Variants in COL25A1 observed in about 807,000 individuals in gnomAD.
COL25A1 encodes collagen type XXV alpha 1 chain.
Under a neutral mutation model 128.4 loss-of-function variants are expected in COL25A1, and 103 were observed. The ratio of observed to expected loss-of-function variants is 0.80; its 90% confidence interval spans 0.68 to 0.94. The LOEUF (loss-of-function observed/expected upper bound fraction) is 0.94. Among genes scored for constraint, COL25A1 ranks in the 40% least tolerant of loss-of-function variants. The pLI is 0.00. For missense variants in COL25A1, 745 were observed against 840.0 expected (o/e 0.89, Z 1.40); for synonymous variants, 279 against 277.2 (o/e 1.01, Z -0.06).
At chr4:108,828,885 T>A (rs1732720654) in intron 32 of COL25A1, among the ~76,000 whole-genome samples, 1 of 152,212 alleles carries the variant, frequency 6.6e-6, no homozygotes, top group Non-Finnish European at 1.5e-5. Context: ...TTTCTCCAGA[T>A]TCCCGTGTGA....
At chr4:109,104,792 T>C (rs946574597) in intron 3 of COL25A1, among the ~76,000 whole-genome samples, 1 of 152,322 alleles carries the variant, frequency 6.6e-6, no homozygotes, top group Middle Eastern at 3.4e-3. Flanking sequence ...TGTAAGACGA[T>C]GTTTGAATTC....
chr4:109,090,746 T>A (rs892850091), intron 3 of COL25A1, among the ~76,000 whole-genome samples: 1 of 152,192 alleles, frequency 6.6e-6, no homozygotes. Context: ...ATTTTCTGAA[T>A]TAACATCATT....
At chr4:108,901,216 TCAATA>T (rs554013092) in intron 13 of COL25A1, 44 bp from the exon 14 acceptor site, 1 of 1,312,856 alleles carries the variant, frequency 7.6e-7, no homozygotes, top group South Asian at 1.2e-5. Context: ...ATAGACAAAA[TCAATA>T]CATTACATGG....
intron 3 of COL25A1, among the ~76,000 whole-genome samples, chr4:109,060,648 C>T (rs1761878762): frequency 1.3e-5 from 2 of 149,978 alleles, no homozygotes; most frequent in African/African-American, 4.9e-5. Flanking sequence ...TGGTACCTTC[C>T]ACACGTTGGG....
intron 3 of COL25A1, among the ~76,000 whole-genome samples, chr4:109,229,002 C>T (rs1366945048): frequency 6.6e-6 from 1 of 152,156 alleles, no homozygotes; most frequent in African/African-American, 2.4e-5. Flanking sequence ...CATATGGTAA[C>T]TTACAGTACA....
chr4:109,078,300 A>G (rs1763555860), intron 3 of COL25A1, among the ~76,000 whole-genome samples: 1 of 152,200 alleles, frequency 6.6e-6, no homozygotes. Context: ...GATACTTATG[A>G]TGCTCCCTCT....
At chr4:108,919,669 G>A (rs1745275673) in intron 12 of COL25A1, among the ~76,000 whole-genome samples, 1 of 151,942 alleles carries the variant, frequency 6.6e-6, no homozygotes, top group African/African-American at 2.4e-5. Context: ...ATATTTTGTT[G>A]GCAAAATGCC....
At chr4:109,069,143 G>A (rs527859584) in intron 3 of COL25A1, among the ~76,000 whole-genome samples, 5 of 149,014 alleles carry the variant, frequency 3.4e-5, no homozygotes, top group African/African-American at 9.9e-5. Context: ...TTTTTTTTTG[G>A]CTGAGCAGAA....
chr4:108,982,590 T>C (rs1402586065), intron 6 of COL25A1, among the ~76,000 whole-genome samples: 1 of 152,126 alleles, frequency 6.6e-6, no homozygotes, highest in Non-Finnish European at 1.5e-5. Context: ...AGAACCGTGT[T>C]TATTATAGTG....
chr4:108,913,831 C>T (rs753170006), intron 13 of COL25A1, among the ~76,000 whole-genome samples: 1 of 152,128 alleles, frequency 6.6e-6, no homozygotes, highest in African/African-American at 2.4e-5. Flanking sequence ...TTAAATAGCT[C>T]ACATTTCTCC....
At chr4:109,011,141 T>C (rs931368384) in intron 5 of COL25A1, among the ~76,000 whole-genome samples, 5 of 152,222 alleles carry the variant, frequency 3.3e-5, no homozygotes, top group African/African-American at 1.2e-4. Flanking sequence ...TATCACCTTC[T>C]TAAAATCTCC....
At chr4:109,135,685 T>C (rs1206680966) in intron 3 of COL25A1, among the ~76,000 whole-genome samples, 4 of 152,034 alleles carry the variant, frequency 2.6e-5, no homozygotes, top group African/African-American at 9.7e-5. Context: ...AAACTCCAAA[T>C]TTAATCTGCC....
chr4:109,110,991 C>T (rs1390094237), intron 3 of COL25A1, among the ~76,000 whole-genome samples: 3 of 152,188 alleles, frequency 2.0e-5, no homozygotes, highest in Non-Finnish European at 4.4e-5. Flanking sequence ...AAGCTGACAA[C>T]ATTTACCCTT....
rs191033412 is a variant in COL25A1, at chr4:108,975,567, C to T, written c.439-1008G>A. Among the ~76,000 whole-genome samples, 9 of 152,232 alleles carry T rather than the reference C, an allele frequency of 5.9e-5. No homozygotes were observed. In the South Asian group the frequency reaches 1.0e-3, roughly 18 times the overall value. ...TTAGGTTACAGACTATACATATGTT[C>T]GGTTTTAGTAGATGCTGCCAAATGG... On this transcript the variant is annotated intron_variant, in intron 6 of 37. Transcript: ENST00000399132.
intron 6 of COL25A1, among the ~76,000 whole-genome samples, chr4:108,985,563 A>G (rs1346673092): frequency 6.6e-6 from 1 of 152,320 alleles, no homozygotes; most frequent in African/African-American, 2.4e-5. Flanking sequence ...GATCTTGGGG[A>G]CATTTCTTTC....
At position 108,871,693 on chromosome 4, in the gene COL25A1, C is replaced by G. The variant is rs563798252; in HGVS notation, c.1021-2543G>C. On this transcript the variant is annotated intron_variant, in intron 19 of 37. Transcript: ENST00000399132. ...CACTTTAAGAAAGTATCTACCGTAT[C>G]TATACATTCTGATACACTTCTTATT... Among the ~76,000 whole-genome samples the G allele has an allele frequency of 3.3e-5, 5 of 152,280 alleles. No homozygotes were observed. The South Asian group carries it at 1.0e-3, about 32-fold the overall frequency.
At chr4:108,926,344 A>G (rs1746057944) in intron 11 of COL25A1, among the ~76,000 whole-genome samples, 1 of 152,174 alleles carries the variant, frequency 6.6e-6, no homozygotes, top group Non-Finnish European at 1.5e-5. Flanking sequence ...ACACAAGAAT[A>G]TACAACTAGC....
At chr4:109,094,310 T>C (rs1008161728) in intron 3 of COL25A1, among the ~76,000 whole-genome samples, 3 of 152,214 alleles carry the variant, frequency 2.0e-5, no homozygotes, top group African/African-American at 7.2e-5. Context: ...CCAGAAGAAC[T>C]AAGGTTTCAC....
chr4:108,832,344 T>C (rs1733222800), intron 32 of COL25A1, 36 bp downstream of exon 32: 1 of 1,509,908 alleles, frequency 6.6e-7, no homozygotes, highest in Non-Finnish European at 9.1e-7. Context: ...CTGTGTTTTC[T>C]TTAGTACAAG....
Sources: gnomAD v4.1 joint callset for allele counts (sites outside exome capture counted in the v4.1 genomes callset) on GRCh38, gnomAD v4.1.1 for gene constraint, MANE v1.5 for transcripts, NCBI Gene and HGNC (gene_info 2026-07-23, HGNC 2026-07-21) for gene names.